The following ABCB1 variants were observed in gnomAD, a reference collection of about 807,000 sequenced individuals.
ABCB1 encodes the protein ATP binding cassette subfamily B member 1, also known as ATP-dependent translocase ABCB1.
Under a neutral mutation model 142.0 loss-of-function variants are expected in ABCB1, and 69 were observed. The ratio of observed to expected loss-of-function variants is 0.49; its 90% CI spans 0.40 to 0.59. ABCB1 has a LOEUF of 0.59. Ranked by LOEUF, ABCB1 falls within the 20% of genes least tolerant of loss-of-function variation. The pLI is 0.00. For missense variants in ABCB1, 1,326 were observed against 1,554.7 expected, an observed-to-expected ratio of 0.85 and a Z score of 2.47; for synonymous variants, 532 against 539.2, an observed-to-expected ratio of 0.99 and a Z score of 0.18.
chr7:87,516,576 G>C lies in ABCB1; in HGVS notation c.3017C>G (p.Ala1006Gly). The change falls in exon 24 of 28, where the codon GCC (alanine) becomes GGC (glycine). Residue 1006 changes from alanine (A) to glycine (G), a missense_variant. Transcript: ENST00000622132. ...PDYAKAKISA[A>G]HIIMIIEKTP... ...TTTTTCAATGATCATGATGATGTGG[G>C]CTGCTGATATTTTGGCTTTGGCATA... The C allele has an allele frequency of 6.2e-7, 1 of 1,614,160 alleles. No homozygotes were observed. Among genetic ancestry groups the C allele is most frequent in the South Asian group, 1.1e-5 (1 of 91,090 alleles).
intron 3 of ABCB1, among the ~76,000 whole-genome samples, chr7:87,587,179 A>AAG (rs1818794378): frequency 6.6e-6 from 1 of 152,224 alleles, no homozygotes; most frequent in Non-Finnish European, 1.5e-5. Context: ...AATGAAAGGG[A>AAG]AGAGGTCTTC....
intron 1 of ABCB1, among the ~76,000 whole-genome samples, chr7:87,705,849 C>T (rs1829537123): frequency 6.6e-6 from 1 of 152,120 alleles, no homozygotes; most frequent in Non-Finnish European, 1.5e-5. Flanking sequence ...TGTTACTAAC[C>T]TTGCAGATAT....
intron 1 of ABCB1, among the ~76,000 whole-genome samples, chr7:87,692,429 C>T (rs1828102562): frequency 6.6e-6 from 1 of 152,120 alleles, no homozygotes; most frequent in Admixed American, 6.5e-5. Flanking sequence ...TGAGCTCCAG[C>T]CAGGGTGACA....
rs559296690 is a variant in ABCB1 at position 87,639,077 on chromosome 7, C to T, written c.-330-37999G>A. Among the ~76,000 whole-genome samples the T allele has an allele frequency of 6.7e-4, 93 of 138,798 alleles. 1 individual carries two copies. Among genetic ancestry groups the T allele is most frequent in the African/African-American group, 2.4e-3 (88 of 36,954 alleles). The allele number at this position is 138,798 out of a possible 152,430, so 91.1% of individuals were successfully genotyped here. ...TGAGGCAGGAGAATGGTGTAAACCC[C>T]GGAGGCGGAGCTTGCAGTGAGAAGA... On this transcript the variant is annotated intron_variant, in intron 1 of 28. Transcript: ENST00000265724.
intron 26 of ABCB1, among the ~76,000 whole-genome samples, chr7:87,506,415 T>G (rs1814746351): frequency 6.6e-6 from 1 of 152,226 alleles, no homozygotes; most frequent in Non-Finnish European, 1.5e-5. Context: ...TAATTGAAGC[T>G]CATCTTACTT....
intron 21 of ABCB1, chr7:87,522,195 T>C (rs1434962593): frequency 2.1e-6 from 3 of 1,423,762 alleles, no homozygotes; most frequent in African/African-American, 1.4e-5. Flanking sequence ...ATGGCTATAA[T>C]GGATTTGGTA....
chr7:87,554,703 T>A (rs1247566045), intron 8 of ABCB1, among the ~76,000 whole-genome samples: 2 of 152,338 alleles, frequency 1.3e-5, no homozygotes, highest in African/African-American at 4.8e-5. Flanking sequence ...ATGCCATAGC[T>A]GCCAGCTGCT....
intron 4 of ABCB1, among the ~76,000 whole-genome samples, chr7:87,583,601 T>C (rs1253950435): frequency 6.6e-6 from 1 of 152,084 alleles, no homozygotes; most frequent in Non-Finnish European, 1.5e-5. Context: ...CTGTTTAACC[T>C]AGGAGATTTT....
intron 1 of ABCB1, among the ~76,000 whole-genome samples, chr7:87,653,663 T>C (rs1007526977): frequency 3.9e-5 from 6 of 152,134 alleles, no homozygotes; most frequent in Non-Finnish European, 7.4e-5. Flanking sequence ...CTACTTTTTT[T>C]TCAAATGCGA....
intron 1 of ABCB1, chr7:87,629,226 C>T (rs1181034394): frequency 1.2e-5 from 4 of 335,038 alleles, no homozygotes; most frequent in Admixed American, 4.9e-5. Flanking sequence ...TGCAATCTAG[C>T]GTCAGAGTGA....
At chr7:87,640,220 A>C (rs1288261360) in intron 1 of ABCB1, among the ~76,000 whole-genome samples, 1 of 150,042 alleles carries the variant, frequency 6.7e-6, no homozygotes, top group Non-Finnish European at 1.5e-5. Flanking sequence ...TAAATCTTAC[A>C]TTATTTTATT....
intron 20 of ABCB1, among the ~76,000 whole-genome samples, chr7:87,534,997 C>T (rs1816226622): frequency 6.6e-6 from 1 of 150,564 alleles, no homozygotes; most frequent in Non-Finnish European, 1.5e-5. Flanking sequence ...TTTAAATACC[C>T]TTTCTCTCAT....
At chr7:87,540,697 A>T (rs978022356) in intron 18 of ABCB1, among the ~76,000 whole-genome samples, 1 of 152,022 alleles carries the variant, frequency 6.6e-6, no homozygotes, top group Non-Finnish European at 1.5e-5. Context: ...TGATCCACTC[A>T]CCTCGGCCTC....
intron 23 of ABCB1, 49 bp downstream of exon 23, chr7:87,519,277 A>G (rs533518111): frequency 1.3e-6 from 2 of 1,560,042 alleles, no homozygotes; most frequent in Admixed American, 1.7e-5. Flanking sequence ...AAGCATGTTC[A>G]TCCCAGCTTT....
In ABCB1 at chr7:87,550,547, C is replaced by T. The variant is rs1410043164; in HGVS notation, c.1145G>A (p.Gly382Glu). 6.8e-6 allele frequency: 11 copies of T among 1,613,336 alleles called. No individual in the cohort carries two copies. The highest frequency in any genetic ancestry group is 8.5e-6 in the Non-Finnish European group (10 of 1,179,974). ...KPSIDSYSKS[G>E]HKPDNIKGNL... is the part of the protein sequence containing the mutation. ...TCCCTTAATATTATCTGGTTTGTGC[C>T]CACTCTTCGAATAGCTGTCAATACT... The change falls in exon 11 of 28, where the codon GGG (glycine) becomes GAG (glutamate). Residue 382 changes from glycine to glutamate, a missense_variant. Gly to Glu is a moderately conservative substitution (Grantham distance 98). Transcript: ENST00000622132.
intron 19 of ABCB1, among the ~76,000 whole-genome samples, chr7:87,537,234 G>C (rs1009142098): frequency 6.6e-6 from 1 of 152,188 alleles, no homozygotes. Context: ...GGAAAAAGGC[G>C]GTTATAGGAG....
At chr7:87,643,308 T>G (rs1822636691) in intron 1 of ABCB1, among the ~76,000 whole-genome samples, 1 of 152,170 alleles carries the variant, frequency 6.6e-6, no homozygotes, top group South Asian at 2.1e-4. Flanking sequence ...GGTACAAATT[T>G]CAGGGAAGAT....
chr7:87,606,600 A>G (rs1819662578), intron 1 of ABCB1, among the ~76,000 whole-genome samples: 1 of 152,080 alleles, frequency 6.6e-6, no homozygotes, highest in Non-Finnish European at 1.5e-5. Context: ...AGAGTTTGTG[A>G]TAACCTCAGA....
intron 4 of ABCB1, among the ~76,000 whole-genome samples, chr7:87,570,737 G>A (rs1818013881): frequency 6.6e-6 from 1 of 151,990 alleles, no homozygotes; most frequent in African/African-American, 2.4e-5. Context: ...CATTATAAAA[G>A]TATTTCATAA....
Sources: gnomAD v4.1 joint callset for allele counts (sites outside exome capture counted in the v4.1 genomes callset) on GRCh38, gnomAD v4.1.1 for gene constraint, MANE v1.5 for transcripts, NCBI Gene and HGNC (gene_info 2026-07-23, HGNC 2026-07-21) for gene names.